Variants in SFRP1 observed in about 807,000 individuals in gnomAD.
SFRP1 encodes secreted frizzled related protein 1.
A neutral mutation model predicts 25.9 loss-of-function variants in SFRP1; 9 were observed. The ratio of observed to expected loss-of-function variants is 0.35; its 90% CI spans 0.21 to 0.61. The LOEUF is 0.61. Ranked by LOEUF, SFRP1 falls within the 20% of genes least tolerant of loss-of-function variation. The pLI is 0.78. For missense variants in SFRP1, 346 were observed against 418.2 expected (o/e 0.83, Z 1.51); for synonymous variants, 178 against 174.0 (o/e 1.02, Z -0.18).
intron 2 of SFRP1, among the ~76,000 whole-genome samples, chr8:41,275,643 C>T (rs1218164664): frequency 6.6e-6 from 1 of 152,016 alleles, no homozygotes; most frequent in Non-Finnish European, 1.5e-5. Flanking sequence ...GCTGGGACTA[C>T]AGGCACACAC....
At chr8:41,281,564 A>G (rs897548459) in intron 2 of SFRP1, among the ~76,000 whole-genome samples, 1 of 152,252 alleles carries the variant, frequency 6.6e-6, no homozygotes, top group Non-Finnish European at 1.5e-5. Flanking sequence ...GTGCTATCCA[A>G]GCACCCTTGT....
chr8:41,278,730 G>A (rs759034430), intron 2 of SFRP1, among the ~76,000 whole-genome samples: 28 of 152,136 alleles, frequency 1.8e-4, no homozygotes, highest in Non-Finnish European at 3.1e-4. Flanking sequence ...AGACAGCCCC[G>A]GAAAAACACC....
intron 2 of SFRP1, among the ~76,000 whole-genome samples, chr8:41,295,529 C>CA (rs11408385): frequency 0.63 from 90,283 of 142,792 alleles, 28,710 homozygotes; most frequent in African/African-American, 0.76. Flanking sequence ...GAGGCTGTCT[C>CA]AAAAAAAAAA....
chr8:41,289,218 G>C (rs560669532), intron 2 of SFRP1, among the ~76,000 whole-genome samples: 6 of 152,304 alleles, frequency 3.9e-5, no homozygotes, highest in African/African-American at 1.4e-4. Flanking sequence ...AAGTCACAGA[G>C]TTTTTGCCAC....
chr8:41,293,350 C>T (rs1803801183), intron 2 of SFRP1, among the ~76,000 whole-genome samples: 2 of 152,226 alleles, frequency 1.3e-5, no homozygotes, highest in Non-Finnish European at 1.5e-5. Context: ...GCCTTTGAGT[C>T]CCCACGCTGT....
chr8:41,304,496 C>T (rs1349923452), intron 1 of SFRP1, among the ~76,000 whole-genome samples: 1 of 152,004 alleles, frequency 6.6e-6, no homozygotes, highest in African/African-American at 2.4e-5. Context: ...CTAGGGGCAC[C>T]CCACCCCCGG....
At chr8:41,279,035 T>C (rs1210916085) in intron 2 of SFRP1, among the ~76,000 whole-genome samples, 7 of 152,018 alleles carry the variant, frequency 4.6e-5, no homozygotes, top group African/African-American at 1.4e-4. Flanking sequence ...CTGGCTCTCC[T>C]TGCCTCAACA....
intron 1 of SFRP1, 117 bp from the exon 2 acceptor site, chr8:41,303,655 C>G: frequency 2.7e-6 from 2 of 730,674 alleles, no homozygotes; most frequent in South Asian, 3.2e-5. Flanking sequence ...TCTTCTGGAA[C>G]TTCTGAAGGG....
intron 2 of SFRP1, among the ~76,000 whole-genome samples, chr8:41,282,287 T>G (rs1202878767): frequency 6.6e-6 from 1 of 152,168 alleles, no homozygotes; most frequent in Non-Finnish European, 1.5e-5. Context: ...AGGCCAAGGT[T>G]GGGGGATGGC....
intron 2 of SFRP1, among the ~76,000 whole-genome samples, chr8:41,274,349 A>G (rs368115010): frequency 6.6e-6 from 1 of 152,382 alleles, no homozygotes; most frequent in South Asian, 2.1e-4. Flanking sequence ...CATAATATGA[A>G]CATAAGTAAC....
At chr8:41,297,710 T>C (rs550114118) in intron 2 of SFRP1, among the ~76,000 whole-genome samples, 46 of 152,204 alleles carry the variant, frequency 3.0e-4, no homozygotes, top group Non-Finnish European at 2.1e-4. Flanking sequence ...GCTTAGCTTA[T>C]AGGGTAGGGA....
chr8:41,278,817 G>C (rs982503552), intron 2 of SFRP1, among the ~76,000 whole-genome samples: 1 of 152,218 alleles, frequency 6.6e-6, no homozygotes, highest in African/African-American at 2.4e-5. Context: ...GGCCTAGGGG[G>C]CTGCTGGCCC....
At chr8:41,283,166 C>T (rs979639603) in intron 2 of SFRP1, among the ~76,000 whole-genome samples, 9 of 152,200 alleles carry the variant, frequency 5.9e-5, no homozygotes, top group Non-Finnish European at 7.4e-5. Context: ...TCAGGTCAGT[C>T]ATGTCCTTGT....
chr8:41,301,967 A>G (rs1312036702), intron 2 of SFRP1, among the ~76,000 whole-genome samples: 4 of 152,216 alleles, frequency 2.6e-5, no homozygotes, highest in African/African-American at 9.6e-5. Flanking sequence ...CAACCTTGCC[A>G]GATTCAAATT....
At chr8:41,278,655 C>T (rs967836457) in intron 2 of SFRP1, among the ~76,000 whole-genome samples, 1 of 152,192 alleles carries the variant, frequency 6.6e-6, no homozygotes, top group African/African-American at 2.4e-5. Context: ...GTGCCCGAGG[C>T]CAGCCCTGCA....
chr8:41,308,312 C>T (rs1204282045), intron 1 of SFRP1, among the ~76,000 whole-genome samples: 2 of 152,224 alleles, frequency 1.3e-5, no homozygotes, highest in Non-Finnish European at 2.9e-5. Flanking sequence ...ATGGGAAAGG[C>T]GAAGTTGGAT....
intron 1 of SFRP1, among the ~76,000 whole-genome samples, chr8:41,306,264 C>G (rs1803994466): frequency 6.6e-6 from 1 of 152,124 alleles, no homozygotes; most frequent in Admixed American, 6.5e-5. Context: ...TGAATTTGCC[C>G]AAGTGTGTGA....
At chr8:41,269,603 C>T (rs1480358699) in intron 2 of SFRP1, among the ~76,000 whole-genome samples, 1 of 152,198 alleles carries the variant, frequency 6.6e-6, no homozygotes, top group Non-Finnish European at 1.5e-5. Context: ...CAAACCCTCA[C>T]ATTCTTCAAA....
intron 1 of SFRP1, chr8:41,306,599 C>G: frequency 8.4e-7 from 1 of 1,191,810 alleles, no homozygotes; most frequent in Non-Finnish European, 1.2e-6. Flanking sequence ...GGTGTGCCAT[C>G]TCAGGGCAGA....
Sources: gnomAD v4.1 joint callset for allele counts (sites outside exome capture counted in the v4.1 genomes callset) on GRCh38, gnomAD v4.1.1 for gene constraint, MANE v1.5 for transcripts, NCBI Gene and HGNC (gene_info 2026-07-23, HGNC 2026-07-21) for gene names.